Variants in MAML2 observed in about 807,000 individuals in gnomAD.
The protein encoded by MAML2 is mastermind-like protein 2.
A neutral mutation model predicts 96.1 loss-of-function variants in MAML2; 22 were observed. The observed-to-expected ratio is 0.23, with a 90% CI of 0.16 to 0.33. MAML2 has a LOEUF of 0.33. Among genes scored for constraint, MAML2 ranks in the 10% least tolerant of loss-of-function variants. The probability of loss-of-function intolerance (pLI) is 1.00; values close to 1 mark genes in which losing one functional copy is unlikely to be tolerated. For synonymous variants in MAML2, 561 were observed against 521.3 expected, an observed-to-expected ratio of 1.08 and a Z score of -1.04; for missense variants, 1,367 against 1,392.4, an observed-to-expected ratio of 0.98 and a Z score of 0.29.
intron 2 of MAML2, among the ~76,000 whole-genome samples, chr11:96,050,176 A>T (rs1858968659): frequency 6.6e-6 from 1 of 152,214 alleles, no homozygotes; most frequent in Admixed American, 6.5e-5. Context: ...AAGATCATAC[A>T]GATCTAAGGA....
intron 1 of MAML2, among the ~76,000 whole-genome samples, chr11:96,285,613 T>G (rs1863127654): frequency 6.6e-6 from 1 of 151,814 alleles, no homozygotes; most frequent in Admixed American, 6.6e-5. Context: ...ACAAGGAACT[T>G]AAATTTGCAA....
At chr11:96,182,886 T>C (rs974799871) in intron 1 of MAML2, among the ~76,000 whole-genome samples, 1 of 152,092 alleles carries the variant, frequency 6.6e-6, no homozygotes, top group Non-Finnish European at 1.5e-5. Flanking sequence ...GTTGTCGCTA[T>C]CATACCCGTT....
At chr11:95,994,694 A>G (rs372711175) in intron 2 of MAML2, among the ~76,000 whole-genome samples, 1 of 152,212 alleles carries the variant, frequency 6.6e-6, no homozygotes, top group African/African-American at 2.4e-5. Flanking sequence ...TTGAACCAGA[A>G]TAGAAAGAGT....
At chr11:96,168,486 T>TA (rs554002149) in intron 1 of MAML2, among the ~76,000 whole-genome samples, 3 of 152,210 alleles carry the variant, frequency 2.0e-5, no homozygotes, top group Non-Finnish European at 4.4e-5. Flanking sequence ...TAGTGTGCTT[T>TA]AAAATCTCCT....
chr11:96,031,812 C>T (rs1021037527), intron 2 of MAML2, among the ~76,000 whole-genome samples: 2 of 151,902 alleles, frequency 1.3e-5, no homozygotes, highest in Non-Finnish European at 2.9e-5. Context: ...GGTGAAACCC[C>T]GTCTCTACTA....
chr11:96,248,170 T>C lies in MAML2; in HGVS notation c.513+93213A>G, dbSNP rs545437788. Among the ~76,000 whole-genome samples the C allele has an allele frequency of 3.3e-5, 5 of 149,612 alleles. No individual in the cohort carries two copies. The East Asian group carries it at 9.9e-4, about 30-fold the overall frequency. ...CTGTTGCCCAGGCAACAGAGTGCAG[T>C]GGCATGATCTCCGCTCACTGCAGCC... On this transcript the variant is annotated intron_variant, in intron 1 of 4. Coordinates refer to ENST00000524717, the MANE Select transcript of MAML2 (RefSeq NM_032427.4).
chr11:96,157,760 G>T (rs1221867280), intron 1 of MAML2, among the ~76,000 whole-genome samples: 1 of 152,182 alleles, frequency 6.6e-6, no homozygotes, highest in African/African-American at 2.4e-5. Flanking sequence ...GATAAAGCTT[G>T]TACATGTGGG....
At chr11:96,261,143 C>T (rs1036130773) in intron 1 of MAML2, among the ~76,000 whole-genome samples, 1 of 152,064 alleles carries the variant, frequency 6.6e-6, no homozygotes, top group Non-Finnish European at 1.5e-5. Context: ...GCTCTGTCCT[C>T]ATAAATGGAT....
chr11:96,132,003 C>G, intron 1 of MAML2, among the ~76,000 whole-genome samples: 1 of 152,124 alleles, frequency 6.6e-6, no homozygotes. Context: ...GAGTGAGACT[C>G]TGTCTCAAAA....
chr11:96,288,977 G>A (rs148804800), intron 1 of MAML2, among the ~76,000 whole-genome samples: 1 of 152,118 alleles, frequency 6.6e-6, no homozygotes, highest in Non-Finnish European at 1.5e-5. Flanking sequence ...CATGGCTATC[G>A]CAGTGTACTT....
At chr11:96,052,020 G>A (rs767027509) in intron 2 of MAML2, among the ~76,000 whole-genome samples, 1 of 152,284 alleles carries the variant, frequency 6.6e-6, no homozygotes, top group African/African-American at 2.4e-5. Context: ...GACCACAACT[G>A]TACCTGTCAT....
At chr11:96,175,235 G>A (rs1861364924) in intron 1 of MAML2, among the ~76,000 whole-genome samples, 1 of 152,222 alleles carries the variant, frequency 6.6e-6, no homozygotes, top group South Asian at 2.1e-4. Context: ...ATAAAGGAGT[G>A]TCAGGTTTTC....
At chr11:96,101,499 C>A (rs1036306449) in intron 1 of MAML2, among the ~76,000 whole-genome samples, 3 of 152,192 alleles carry the variant, frequency 2.0e-5, no homozygotes, top group African/African-American at 4.8e-5. Flanking sequence ...AGAAAGAGCA[C>A]AAGACTCAAC....
intron 1 of MAML2, among the ~76,000 whole-genome samples, chr11:96,124,587 C>T (rs193259290): frequency 5.6e-4 from 86 of 152,268 alleles, no homozygotes; most frequent in Non-Finnish European, 9.8e-4. Flanking sequence ...AAAATGCACA[C>T]TCAAAGGATA....
intron 1 of MAML2, among the ~76,000 whole-genome samples, chr11:96,177,481 A>G (rs1453157505): frequency 6.6e-6 from 1 of 152,212 alleles, no homozygotes; most frequent in African/African-American, 2.4e-5. Context: ...CTTGCAGACA[A>G]CCGTCCAAGT....
intron 3 of MAML2, among the ~76,000 whole-genome samples, chr11:95,987,558 A>G (rs1857846869): frequency 2.0e-5 from 3 of 152,236 alleles, no homozygotes. Context: ...ACTTTGTAAT[A>G]GATACATGGG....
At chr11:96,106,626 TA>T (rs1238089167) in intron 1 of MAML2, among the ~76,000 whole-genome samples, 1 of 152,202 alleles carries the variant, frequency 6.6e-6, no homozygotes, top group Non-Finnish European at 1.5e-5. Flanking sequence ...TGAGTCTGCT[TA>T]AAATTTCAAA....
At chr11:96,090,755 G>T (rs1283914999) in intron 2 of MAML2, among the ~76,000 whole-genome samples, 1 of 152,190 alleles carries the variant, frequency 6.6e-6, no homozygotes, top group African/African-American at 2.4e-5. Context: ...TCCTCTTTGA[G>T]TCTGGTGTTC....
At chr11:95,995,504 C>T (rs1440355121) in intron 2 of MAML2, among the ~76,000 whole-genome samples, 2 of 152,146 alleles carry the variant, frequency 1.3e-5, no homozygotes, top group African/African-American at 4.8e-5. Context: ...AAAGGTAATA[C>T]ATTAATTACC....
Sources: allele counts gnomAD v4.1 joint callset (sites outside exome capture counted in the v4.1 genomes callset), GRCh38; gene constraint gnomAD v4.1.1; transcripts MANE v1.5; gene names NCBI Gene and HGNC (gene_info 2026-07-23, HGNC 2026-07-21).